The following FRMD5 variants were observed in gnomAD, a reference collection of about 807,000 sequenced individuals.
The protein encoded by FRMD5 is FERM domain containing 5.
Under a neutral mutation model 69.0 loss-of-function variants are expected in FRMD5, and 20 were observed. The observed-to-expected ratio is 0.29, with a 90% CI of 0.20 to 0.42. FRMD5 has a LOEUF of 0.42. FRMD5 is among the 10% of genes least tolerant of loss of function. The probability of loss-of-function intolerance (pLI) is 1.00; values close to 1 mark genes in which losing one functional copy is unlikely to be tolerated. For missense variants in FRMD5, 595 were observed against 708.6 expected, an observed-to-expected ratio of 0.84 and a Z score of 1.82; for synonymous variants, 271 against 260.1, an observed-to-expected ratio of 1.04 and a Z score of -0.40.
chr15:44,119,316 C>A (rs2076914078), intron 1 of FRMD5, among the ~76,000 whole-genome samples: 2 of 152,066 alleles, frequency 1.3e-5, no homozygotes, highest in African/African-American at 4.8e-5. Context: ...GAAAACAGCA[C>A]CTTTCCTCTA....
chr15:43,985,748 C>A (rs746135090), intron 1 of FRMD5, among the ~76,000 whole-genome samples: 1 of 152,000 alleles, frequency 6.6e-6, no homozygotes, highest in Non-Finnish European at 1.5e-5. Flanking sequence ...CACAAGCTAG[C>A]GGGGCAAATC....
intron 1 of FRMD5, among the ~76,000 whole-genome samples, chr15:44,019,737 CAAAAAAAAA>C (rs1189890743): frequency 4.3e-5 from 1 of 23,518 alleles, no homozygotes; most frequent in African/African-American, 1.6e-4. Context: ...GAGTCTGTCT[CAAAAAAAAA>C]AAAAAAAAAA....
At chr15:44,174,307 G>A (rs1334841724) in intron 1 of FRMD5, among the ~76,000 whole-genome samples, 3 of 151,952 alleles carry the variant, frequency 2.0e-5, no homozygotes, top group Non-Finnish European at 2.9e-5. Flanking sequence ...TAACCATTAT[G>A]ATTGCATCTA....
intron 1 of FRMD5, among the ~76,000 whole-genome samples, chr15:44,029,552 T>C (rs922845002): frequency 2.0e-5 from 3 of 152,172 alleles, no homozygotes; most frequent in African/African-American, 4.8e-5. Context: ...CAGGGAACAG[T>C]ACAGAGAAAA....
intron 1 of FRMD5, among the ~76,000 whole-genome samples, chr15:43,937,883 G>C (rs2089788953): frequency 6.6e-6 from 1 of 152,134 alleles, no homozygotes; most frequent in African/African-American, 2.4e-5. Context: ...ACTGCCAACA[G>C]GACCCCTAGT....
At chr15:44,176,701 AT>A (rs977736312) in intron 1 of FRMD5, among the ~76,000 whole-genome samples, 5 of 152,108 alleles carry the variant, frequency 3.3e-5, no homozygotes, top group African/African-American at 1.2e-4. Context: ...AAATAACCCA[AT>A]TTTTAAATGG....
intron 1 of FRMD5, among the ~76,000 whole-genome samples, chr15:44,169,107 T>A (rs1042429968): frequency 1.3e-5 from 2 of 152,174 alleles, no homozygotes; most frequent in African/African-American, 2.4e-5. Context: ...AAATTATGCA[T>A]CTAATAAAAT....
intron 1 of FRMD5, among the ~76,000 whole-genome samples, chr15:44,160,006 T>C (rs905538250): frequency 2.6e-5 from 4 of 152,182 alleles, no homozygotes; most frequent in African/African-American, 9.7e-5. Context: ...GATGAATAAG[T>C]AGCATGGCTG....
intron 2 of FRMD5, among the ~76,000 whole-genome samples, chr15:43,921,878 G>T (rs1322877910): frequency 6.6e-6 from 1 of 152,212 alleles, no homozygotes; most frequent in Non-Finnish European, 1.5e-5. Context: ...AGAGCTTGCA[G>T]ATGCATGGAG....
intron 1 of FRMD5, among the ~76,000 whole-genome samples, chr15:44,020,907 G>A (rs1260313993): frequency 6.6e-6 from 1 of 152,138 alleles, no homozygotes; most frequent in African/African-American, 2.4e-5. Context: ...CATTACATAA[G>A]ATTTCCATCA....
chr15:44,037,963 TG>T (rs1055469028), intron 1 of FRMD5, among the ~76,000 whole-genome samples: 10 of 152,238 alleles, frequency 6.6e-5, no homozygotes, highest in African/African-American at 2.4e-4. Flanking sequence ...CAGCATCTGT[TG>T]TTTCCTGGCT....
intron 1 of FRMD5, among the ~76,000 whole-genome samples, chr15:44,158,922 T>C (rs553407827): frequency 6.6e-6 from 1 of 152,216 alleles, no homozygotes; most frequent in East Asian, 1.9e-4. Context: ...AATCACAATA[T>C]CATGGGCAAG....
At chr15:44,001,281 A>G (rs1890199588) in intron 1 of FRMD5, among the ~76,000 whole-genome samples, 1 of 152,168 alleles carries the variant, frequency 6.6e-6, no homozygotes, top group African/African-American at 2.4e-5. Context: ...GAGTTGTATG[A>G]GTCTCATATA....
chr15:43,981,973 C>G (rs114783621), intron 1 of FRMD5, among the ~76,000 whole-genome samples: 1,549 of 152,324 alleles, frequency 0.01, 33 homozygotes, highest in African/African-American at 0.036. Flanking sequence ...TGTGAAGTCA[C>G]GTACAACACC....
At chr15:43,884,860 C>A in intron 11 of FRMD5, 65 bp from the exon 12 acceptor site, 1 of 1,383,214 alleles carries the variant, frequency 7.2e-7, no homozygotes, top group Non-Finnish European at 1.0e-6. Flanking sequence ...AGCTCCTCTC[C>A]AAGATCTTAG....
intron 1 of FRMD5, among the ~76,000 whole-genome samples, chr15:44,103,794 A>C (rs551791041): frequency 5.0e-4 from 76 of 152,348 alleles, no homozygotes; most frequent in Non-Finnish European, 6.8e-4. Context: ...CATTTTGGTC[A>C]ACAATGGATC....
At chr15:44,021,239 T>C (rs966080953) in intron 1 of FRMD5, among the ~76,000 whole-genome samples, 1 of 152,180 alleles carries the variant, frequency 6.6e-6, no homozygotes, top group African/African-American at 2.4e-5. Context: ...TGAGCTGAGA[T>C]TGCAACACTG....
chr15:44,007,438 T>C (rs1222323510), intron 1 of FRMD5, among the ~76,000 whole-genome samples: 1 of 152,092 alleles, frequency 6.6e-6, no homozygotes, highest in Non-Finnish European at 1.5e-5. Context: ...AGAATTTCAT[T>C]TGGAGTTAAT....
chr15:44,120,664 A>C (rs991614782), intron 1 of FRMD5, among the ~76,000 whole-genome samples: 2 of 150,426 alleles, frequency 1.3e-5, no homozygotes, highest in African/African-American at 4.9e-5. Flanking sequence ...CTGGGACTAC[A>C]GGCGCCTGCC....
Sources: gnomAD v4.1 joint callset for allele counts (sites outside exome capture counted in the v4.1 genomes callset) on GRCh38, gnomAD v4.1.1 for gene constraint, MANE v1.5 for transcripts, NCBI Gene and HGNC (gene_info 2026-07-23, HGNC 2026-07-21) for gene names.